Variants in TFDP1 observed in about 807,000 individuals in gnomAD.
TFDP1 encodes DRTF1-polypeptide 1.
TFDP1 carries 6 observed loss-of-function variants against 48.0 expected under a neutral mutation model. That is an observed-to-expected ratio of 0.13 (90% CI 0.07 to 0.25). The LOEUF (loss-of-function observed/expected upper bound fraction) is 0.25, where lower values mean the gene tolerates loss of function less well. Among genes scored for constraint, TFDP1 ranks in the 10% least tolerant of loss-of-function variants. The pLI is 1.00. For synonymous variants in TFDP1, 201 were observed against 211.6 expected (o/e 0.95, Z 0.44); for missense variants, 335 against 543.0 (o/e 0.62, Z 3.81).
At chr13:113,631,833 C>A in intron 5 of TFDP1, 89 bp downstream of exon 5, 2 of 1,539,010 alleles carry the variant, frequency 1.3e-6, no homozygotes, top group South Asian at 2.4e-5. Flanking sequence ...GTCACACAGT[C>A]GTGCGATGGG....
Position 113,585,864 on chromosome 13 carries a change from T to G in TFDP1, c.12+15T>G. The G allele has an allele frequency of 6.2e-7, 1 of 1,601,702 alleles. No individual in the cohort carries two copies. The highest frequency in any genetic ancestry group is 8.5e-7 in the Non-Finnish European group (1 of 1,169,962). Reference sequence around the variant, plus strand: ...TGGCAAAAGATGTAAGTATGTTTGCTTCATGCTGCACACGAATGTTTGCCT... The same window carrying G: ...TGGCAAAAGATGTAAGTATGTTTGCGTCATGCTGCACACGAATGTTTGCCT... On this transcript the variant is annotated intron_variant, in intron 2 of 11. Transcript: ENST00000375370.
chr13:113,591,289 C>T (rs1043085800), intron 2 of TFDP1, among the ~76,000 whole-genome samples: 5 of 138,228 alleles, frequency 3.6e-5, no homozygotes, highest in Non-Finnish European at 7.8e-5. Flanking sequence ...TGCAGTGAGC[C>T]GAGATCACGC....
chr13:113,611,694 C>A (rs556038792), intron 3 of TFDP1, among the ~76,000 whole-genome samples: 1 of 152,222 alleles, frequency 6.6e-6, no homozygotes, highest in Non-Finnish European at 1.5e-5. Context: ...TGGGTAAACT[C>A]CTTACCTGTG....
chr13:113,611,593 G>C (rs887631919), intron 3 of TFDP1, among the ~76,000 whole-genome samples: 1 of 152,158 alleles, frequency 6.6e-6, no homozygotes, highest in African/African-American at 2.4e-5. Context: ...ACCTCTTCCA[G>C]GGTCCCACGG....
chr13:113,589,707 A>G (rs1426676746), intron 2 of TFDP1, among the ~76,000 whole-genome samples: 1 of 151,980 alleles, frequency 6.6e-6, no homozygotes, highest in East Asian at 1.9e-4. Flanking sequence ...GTGCTTTGGC[A>G]CCTCCTTAGA....
At chr13:113,592,897 C>T (rs1169278487) in intron 2 of TFDP1, among the ~76,000 whole-genome samples, 1 of 151,516 alleles carries the variant, frequency 6.6e-6, no homozygotes, top group Non-Finnish European at 1.5e-5. Context: ...TCAGCCCTGC[C>T]CAGGTGACAG....
At position 113,633,477 on chromosome 13, in the gene TFDP1, G is replaced by C. The variant is rs1391667852; in HGVS notation, c.474+192G>C. ...CTGGGGTGGCGGAGCCCAGCGGTGT[G>C]GTACGTTTCGCTCTTTTAATATCGG... On this transcript the variant is annotated intron_variant, in intron 6 of 11. Coordinates refer to ENST00000375370, the MANE Select transcript of TFDP1 (RefSeq NM_007111.5). The surrounding 1 kb of genome is among the most constrained non-coding windows in gnomAD (Gnocchi z 4.5). Among the ~76,000 whole-genome samples, 1 of 152,124 alleles carries C rather than the reference G, an allele frequency of 6.6e-6. No homozygotes were observed. Among genetic ancestry groups the C allele is most frequent in the African/African-American group, 2.4e-5 (1 of 41,402 alleles).
At chr13:113,600,622 G>A (rs900983646) in intron 2 of TFDP1, among the ~76,000 whole-genome samples, 7 of 148,522 alleles carry the variant, frequency 4.7e-5, no homozygotes, top group African/African-American at 1.7e-4. Context: ...CTCGCACGTG[G>A]GGCTCCAGGA....
rs538817795 is a variant in TFDP1, at chr13:113,598,164, C to A, written c.12+12315C>A. On this transcript the variant is annotated intron_variant, in intron 2 of 11. Transcript: ENST00000375370. The surrounding 1 kb of genome is among the most constrained non-coding windows in gnomAD (Gnocchi z 4.2). ...CGTCTGGTCCCTCTACTCCCCACCACCCCAGCCCTGGAAAACCGTGCCTGC... is the reference window on the plus strand; with the variant it reads ...CGTCTGGTCCCTCTACTCCCCACCAACCCAGCCCTGGAAAACCGTGCCTGC... Among the ~76,000 whole-genome samples, 3 of 152,310 alleles carry A rather than the reference C, an allele frequency of 2.0e-5. No homozygotes were observed. The highest frequency in any genetic ancestry group is 7.2e-5 in the African/African-American group (3 of 41,558).
intron 2 of TFDP1, among the ~76,000 whole-genome samples, chr13:113,602,970 TA>T (rs113416797): frequency 0.047 from 3,183 of 67,064 alleles, 40 homozygotes; most frequent in African/African-American, 0.12. Context: ...ATAGTTGAGC[TA>T]AAAAAAAAAA....
intron 3 of TFDP1, among the ~76,000 whole-genome samples, chr13:113,614,082 G>A (rs1011711331): frequency 1.1e-4 from 16 of 151,398 alleles, no homozygotes; most frequent in Non-Finnish European, 1.8e-4. Flanking sequence ...GTGTGCATGA[G>A]ATGTATGTGA....
Position 113,623,793 on chromosome 13 carries a change from A to T in TFDP1, c.186+507A>T, listed in dbSNP as rs191638074. ...ACGCACAGGAGAGGGGAAGGTGGGC[A>T]TTGGGAAGTGGCGCATCCCCCCTCC... On this transcript the variant is annotated intron_variant, in intron 4 of 11. Transcript: ENST00000375370. This position sits in a 1 kb window ranked among gnomAD's most constrained non-coding sequence, Gnocchi z 5.2. Among the ~76,000 whole-genome samples the T allele has an allele frequency of 4.6e-5, 7 of 152,274 alleles. No individual in the cohort carries two copies. In the East Asian group the frequency reaches 1.4e-3, roughly 29 times the overall value.
At chr13:113,613,238 A>T (rs562320498) in intron 3 of TFDP1, among the ~76,000 whole-genome samples, 13 of 151,940 alleles carry the variant, frequency 8.6e-5, no homozygotes, top group South Asian at 8.3e-4. Context: ...CTGGTTTCGA[A>T]CTCCTGACAT....
chr13:113,628,274 CTG>C (rs1363512602), intron 4 of TFDP1, among the ~76,000 whole-genome samples: 1 of 151,620 alleles, frequency 6.6e-6, no homozygotes. Context: ...CGTGTAAAGA[CTG>C]TGTCTGGAGC....
chr13:113,610,830 C>T (rs748005309), intron 2 of TFDP1, among the ~76,000 whole-genome samples, 166 bp from the exon 3 acceptor site: 10 of 152,212 alleles, frequency 6.6e-5, no homozygotes, highest in South Asian at 2.1e-4. Context: ...ATTCCTTCTC[C>T]GGACCTGGCG....
intron 2 of TFDP1, among the ~76,000 whole-genome samples, chr13:113,610,473 C>T (rs113656255): frequency 0.014 from 2,043 of 145,094 alleles, 47 homozygotes; most frequent in African/African-American, 0.05. Context: ...ATCACGTGTG[C>T]CCCCGCTGTG....
intron 3 of TFDP1, among the ~76,000 whole-genome samples, chr13:113,613,769 TGAG>T (rs1426979172): frequency 2.6e-5 from 4 of 151,434 alleles, no homozygotes; most frequent in Non-Finnish European, 2.9e-5. Context: ...CGTGGGTGTG[TGAG>T]GAGTGCTTAT....
rs748930267 is a variant in TFDP1, at chr13:113,640,132, C to T, written c.1098C>T (p.Asn366=). The T allele has an allele frequency of 1.5e-5, 24 of 1,605,090 alleles. No homozygotes were observed. Among genetic ancestry groups the T allele is most frequent in the South Asian group, 4.5e-5 (4 of 89,338 alleles). The change falls in exon 12 of 12, where the codon AAC becomes AAT. Residue 366 remains asparagine, a synonymous_variant. Coordinates refer to ENST00000375370, the MANE Select transcript of TFDP1 (RefSeq NM_007111.5). The part of the protein sequence containing the change: ...GTRFSASDLT[N]GADGMLATSS... The stretch of plus-strand genomic sequence containing the variant: ...TCCTGCCTTGCAGTGACCTGACCAA[C>T]GGTGCAGATGGGATGCTGGCCACAA...
chr13:113,588,724 AGAGT>A (rs1566630738), intron 2 of TFDP1, among the ~76,000 whole-genome samples: 3 of 151,862 alleles, frequency 2.0e-5, no homozygotes, highest in Middle Eastern at 6.8e-3. Context: ...GACTTGATGG[AGAGT>A]GAGTGGTGGT....
Sources: allele counts gnomAD v4.1 joint callset (sites outside exome capture counted in the v4.1 genomes callset), GRCh38; gene constraint gnomAD v4.1.1; non-coding constraint Gnocchi (gnomAD v3.1); transcripts MANE v1.5; gene names NCBI Gene and HGNC (gene_info 2026-07-23, HGNC 2026-07-21).